TRABD2A: variants seen among roughly 807,000 people sequenced by gnomAD.
The protein encoded by TRABD2A is metalloprotease TIKI1.
Under a neutral mutation model 45.6 loss-of-function variants are expected in TRABD2A, and 43 were observed. That is an observed-to-expected ratio of 0.94 (90% CI 0.74 to 1.22). TRABD2A has a LOEUF of 1.22. Among genes scored for constraint, TRABD2A ranks in the 50% most tolerant of loss-of-function variants. TRABD2A has a pLI of 0.00. For synonymous variants in TRABD2A, 269 were observed against 265.0 expected (o/e 1.02, Z -0.15); for missense variants, 642 against 652.4 (o/e 0.98, Z 0.17).
At chr2:84,829,128 C>A (rs774333101) in intron 5 of TRABD2A, among the ~76,000 whole-genome samples, 21 of 152,098 alleles carry the variant, frequency 1.4e-4, no homozygotes, top group Non-Finnish European at 3.1e-4. Flanking sequence ...GAACACTTCC[C>A]TTGCGGGCTG....
At chr2:84,864,084 C>T (rs911696763) in intron 2 of TRABD2A, among the ~76,000 whole-genome samples, 2 of 151,916 alleles carry the variant, frequency 1.3e-5, no homozygotes. Context: ...CAGCCAATTA[C>T]TCCTCTAAGT....
At chr2:84,840,706 C>G (rs6719802) in intron 3 of TRABD2A, among the ~76,000 whole-genome samples, 1 of 152,116 alleles carries the variant, frequency 6.6e-6, no homozygotes, top group African/African-American at 2.4e-5. Flanking sequence ...TTTCTCCCCC[C>G]TTCCCTACCC....
At chr2:84,841,031 C>T (rs1681692690) in intron 3 of TRABD2A, among the ~76,000 whole-genome samples, 1 of 152,122 alleles carries the variant, frequency 6.6e-6, no homozygotes, top group African/African-American at 2.4e-5. Flanking sequence ...ACAGCATCAC[C>T]CACACCCACT....
chr2:84,832,104 G>A lies in TRABD2A; in HGVS notation c.1033C>T (p.Arg345Cys), dbSNP rs748342065. 1.4e-5 allele frequency: 23 copies of A among 1,613,834 alleles called. No individual in the cohort carries two copies. Among genetic ancestry groups the A allele is most frequent in the South Asian group, 8.8e-5 (8 of 91,076 alleles). ...GCGTGTTCTACCTCATAGCCTTCAC[G>A]CCGCAAAACATCCAGCACTGTGTTG... ...GNNTVLDVLR[R>C]EGYEVEHAPA... The change falls in exon 5 of 7, where the codon CGT becomes TGT. Residue 345 changes from arginine (R) to cysteine (C), a missense_variant. Coordinates refer to ENST00000409520, the MANE Select transcript of TRABD2A (RefSeq NM_001277053.2).
At chr2:84,838,012 C>A in intron 4 of TRABD2A, 1 of 471,526 alleles carries the variant, frequency 2.1e-6, no homozygotes, top group Non-Finnish European at 3.8e-6. Context: ...AACACACACC[C>A]TAAGAATAGG....
At chr2:84,827,071 C>T (rs1177639565) in intron 5 of TRABD2A, among the ~76,000 whole-genome samples, 1 of 152,182 alleles carries the variant, frequency 6.6e-6, no homozygotes, top group African/African-American at 2.4e-5. Flanking sequence ...ACACCCAATC[C>T]ATCATAGAGC....
intron 2 of TRABD2A, among the ~76,000 whole-genome samples, chr2:84,845,460 G>T (rs1328326445): frequency 6.6e-6 from 1 of 152,162 alleles, no homozygotes. Context: ...GTGGAAGATG[G>T]ACATTAGGAC....
chr2:84,855,142 G>A (rs943449270), intron 2 of TRABD2A, among the ~76,000 whole-genome samples: 2 of 151,994 alleles, frequency 1.3e-5, no homozygotes, highest in Admixed American at 1.3e-4. Flanking sequence ...CCCACAGAAT[G>A]GACTTTAAAA....
chr2:84,822,434 C>T (rs1303171279), intron 6 of TRABD2A, among the ~76,000 whole-genome samples: 2 of 152,160 alleles, frequency 1.3e-5, no homozygotes, highest in African/African-American at 4.8e-5. Flanking sequence ...TAGGCAGGGA[C>T]CCTCCTCACT....
Position 84,879,804 on chromosome 2 carries a change from G to T in TRABD2A, c.108+1128C>A, listed in dbSNP as rs536859243. On this transcript the variant is annotated intron_variant, in intron 1 of 6. Coordinates refer to ENST00000409520, the MANE Select transcript of TRABD2A (RefSeq NM_001277053.2). ...CCGCAGCCCCGCGACGCCTTACAGAGGCGAACACCGTGCGTCTTCCCAGCC... is the reference window on the plus strand; with the variant it reads ...CCGCAGCCCCGCGACGCCTTACAGATGCGAACACCGTGCGTCTTCCCAGCC... 1.9e-3 allele frequency among the ~76,000 whole-genome samples: 290 copies of T among 152,310 alleles called. 1 individual carries two copies. Among genetic ancestry groups the T allele is most frequent in the African/African-American group, 6.4e-3 (268 of 41,562 alleles).
At position 84,821,749 on chromosome 2, in the gene TRABD2A, T is replaced by C. The variant is rs1386064891; in HGVS notation, c.*168A>G. ...CTGTACACCTGCCCCCAAAGTTGGATAACCCAAAGTCACATTCCTTGGAAA... is the reference window on the plus strand; with the variant it reads ...CTGTACACCTGCCCCCAAAGTTGGACAACCCAAAGTCACATTCCTTGGAAA... On this transcript the variant is annotated 3_prime_UTR_variant, in exon 7 of 7. Coordinates refer to ENST00000409520, the MANE Select transcript of TRABD2A (RefSeq NM_001277053.2). 3.3e-6 allele frequency: 2 copies of C among 607,958 alleles called. No homozygotes were observed. Among genetic ancestry groups the C allele is most frequent in the Non-Finnish European group, 5.1e-6 (2 of 395,870 alleles). 37.7% of individuals were successfully genotyped at this position (607,958 alleles called of 1,614,324 possible). A position where few individuals can be genotyped will look rare whatever the true frequency, so the allele number is the denominator to read the frequency against.
At chr2:84,832,427 C>G (rs1014504803) in intron 4 of TRABD2A, 8 of 419,500 alleles carry the variant, frequency 1.9e-5, no homozygotes, top group Non-Finnish European at 3.5e-5. Flanking sequence ...GGACATCAAA[C>G]TGCAACCTGG....
At chr2:84,874,119 A>C (rs1682953791) in intron 1 of TRABD2A, among the ~76,000 whole-genome samples, 1 of 152,202 alleles carries the variant, frequency 6.6e-6, no homozygotes, top group South Asian at 2.1e-4. Context: ...CCTACCTCAA[A>C]ATACCTGCAT....
intron 2 of TRABD2A, among the ~76,000 whole-genome samples, chr2:84,863,401 C>G (rs1203082345): frequency 6.6e-6 from 1 of 151,062 alleles, no homozygotes; most frequent in South Asian, 2.1e-4. Flanking sequence ...CCAGCCATCA[C>G]GCCCGGCTAA....
Position 84,832,101 on chromosome 2 carries a change from C to G in TRABD2A, c.1036G>C (p.Glu346Gln), listed in dbSNP as rs1559084961. The change falls in exon 5 of 7, where the codon GAA (glutamate) becomes CAA (glutamine). Residue 346 changes from glutamate (E) to glutamine (Q), a missense_variant. Physicochemically the swap from Glu to Gln is conservative, Grantham distance 29. Coordinates refer to ENST00000409520, the MANE Select transcript of TRABD2A (RefSeq NM_001277053.2). ...GGGGCGTGTTCTACCTCATAGCCTT[C>G]ACGCCGCAAAACATCCAGCACTGTG... is the stretch of plus-strand genomic sequence containing the variant. ...NNTVLDVLRR[E>Q]GYEVEHAPAG... 1.2e-6 allele frequency: 2 copies of G among 1,613,998 alleles called. No individual in the cohort carries two copies. Among genetic ancestry groups the G allele is most frequent in the Non-Finnish European group, 1.7e-6 (2 of 1,179,898 alleles).
intron 2 of TRABD2A, among the ~76,000 whole-genome samples, chr2:84,864,260 T>A (rs1682599087): frequency 6.6e-6 from 1 of 152,200 alleles, no homozygotes; most frequent in Non-Finnish European, 1.5e-5. Context: ...CACAAGGGAT[T>A]GAGGCCCTTT....
chr2:84,830,627 A>G lies in TRABD2A; in HGVS notation c.1082+1428T>C, dbSNP rs1225021312. ...GAAGCCAAAAGCCTGGTGGAGAAGG[A>G]AAATGAGCAGTCTCACATCAGCGCT... On this transcript the variant is annotated intron_variant, in intron 5 of 6. Transcript: ENST00000409520. The surrounding 1 kb of genome is among the most constrained non-coding windows in gnomAD (Gnocchi z 4.9). Among the ~76,000 whole-genome samples the G allele has an allele frequency of 1.3e-5, 2 of 152,206 alleles. No homozygotes were observed. The highest frequency in any genetic ancestry group is 2.9e-5 in the Non-Finnish European group (2 of 68,038).
intron 2 of TRABD2A, among the ~76,000 whole-genome samples, chr2:84,851,521 C>A (rs528462640): frequency 1.3e-5 from 2 of 152,330 alleles, no homozygotes; most frequent in African/African-American, 2.4e-5. Flanking sequence ...TGAACACTTA[C>A]CTTCTCAAGT....
At position 84,863,479 on chromosome 2, in the gene TRABD2A, G is replaced by T. The variant is rs188792707; in HGVS notation, c.669+6746C>A. Among the ~76,000 whole-genome samples, 5 of 151,148 alleles carry T rather than the reference G, an allele frequency of 3.3e-5. No homozygotes were observed. In the South Asian group the frequency reaches 1.0e-3, roughly 32 times the overall value. On this transcript the variant is annotated intron_variant, in intron 2 of 6. Transcript: ENST00000409520. ...GATTTCCTGACCTCGTGATCCGCCC[G>T]CCTCGGCCTCCCAAAGTGCTGGGAT...
Sources: gnomAD v4.1 joint callset for allele counts (sites outside exome capture counted in the v4.1 genomes callset) on GRCh38, gnomAD v4.1.1 for gene constraint, Gnocchi (gnomAD v3.1) non-coding constraint, MANE v1.5 for transcripts, NCBI Gene and HGNC (gene_info 2026-07-23, HGNC 2026-07-21) for gene names.